Variants in RUNX2 observed in about 807,000 individuals in gnomAD.
RUNX2 encodes runt-related transcription factor 2.
Under a neutral mutation model 51.7 loss-of-function variants are expected in RUNX2, and 10 were observed. The observed-to-expected ratio is 0.19, with a 90% CI of 0.12 to 0.33. RUNX2 has a LOEUF of 0.33. Ranked by LOEUF, RUNX2 falls within the 10% of genes least tolerant of loss-of-function variation. The pLI is 1.00. For missense variants in RUNX2, 562 were observed against 691.3 expected, an observed-to-expected ratio of 0.81 and a Z score of 2.10; for synonymous variants, 276 against 273.6, an observed-to-expected ratio of 1.01 and a Z score of -0.09.
chr6:45,393,803 C>T (rs1797524910), intron 2 of RUNX2, among the ~76,000 whole-genome samples: 1 of 151,960 alleles, frequency 6.6e-6, no homozygotes, highest in Non-Finnish European at 1.5e-5. Context: ...AGTGTAGTGC[C>T]AGCATCCCTT....
chr6:45,380,070 A>C (rs1253884098), intron 2 of RUNX2, among the ~76,000 whole-genome samples: 2 of 152,230 alleles, frequency 1.3e-5, no homozygotes, highest in African/African-American at 4.8e-5. Context: ...CATTTTTGAA[A>C]ATCTGATTTA....
At chr6:45,427,521 A>G (rs1379813457) in intron 3 of RUNX2, among the ~76,000 whole-genome samples, 1 of 152,108 alleles carries the variant, frequency 6.6e-6, no homozygotes, top group Non-Finnish European at 1.5e-5. Context: ...TTGATACTGT[A>G]TTTGAAGTTA....
chr6:45,523,571 T>A (rs747531531), intron 7 of RUNX2, among the ~76,000 whole-genome samples: 1 of 151,760 alleles, frequency 6.6e-6, no homozygotes, highest in Non-Finnish European at 1.5e-5. Flanking sequence ...GCGCCCGGCC[T>A]GCATGATTAT....
intron 7 of RUNX2, among the ~76,000 whole-genome samples, chr6:45,520,132 G>A (rs1409357190): frequency 3.3e-5 from 5 of 151,768 alleles, no homozygotes; most frequent in East Asian, 1.9e-4. Context: ...GCACCCGACC[G>A]GATGCTATTA....
At chr6:45,337,541 G>T (rs886102905) in intron 2 of RUNX2, among the ~76,000 whole-genome samples, 4 of 151,658 alleles carry the variant, frequency 2.6e-5, no homozygotes, top group Admixed American at 2.0e-4. Flanking sequence ...CTTTTGCTAC[G>T]CCATAATGAT....
intron 5 of RUNX2, among the ~76,000 whole-genome samples, chr6:45,483,137 A>G (rs867020863): frequency 1.3e-5 from 2 of 152,190 alleles, no homozygotes; most frequent in African/African-American, 4.8e-5. Context: ...ATCCTGTATC[A>G]TATTGCATGG....
intron 5 of RUNX2, among the ~76,000 whole-genome samples, chr6:45,443,532 G>C (rs752758166): frequency 1.3e-5 from 2 of 152,202 alleles, no homozygotes; most frequent in Admixed American, 1.3e-4. Flanking sequence ...GTGCTTAGCT[G>C]GCAGTTGTCA....
chr6:45,334,985 A>T (rs1788264835), intron 2 of RUNX2, among the ~76,000 whole-genome samples: 2 of 151,356 alleles, frequency 1.3e-5, no homozygotes, highest in Admixed American at 1.3e-4. Flanking sequence ...GATATCAGTT[A>T]AACAAAGTAT....
chr6:45,409,080 TA>T (rs1797897871), intron 2 of RUNX2, among the ~76,000 whole-genome samples: 1 of 152,238 alleles, frequency 6.6e-6, no homozygotes, highest in African/African-American at 2.4e-5. Flanking sequence ...CTTTTATATT[TA>T]GTTTCATTCA....
intron 3 of RUNX2, among the ~76,000 whole-genome samples, 180 bp from the exon 4 acceptor site, chr6:45,431,683 A>G (rs142710517): frequency 2.1e-4 from 32 of 152,324 alleles, no homozygotes; most frequent in African/African-American, 6.5e-4. Flanking sequence ...ACCCTGAAAC[A>G]TTGGTCTGTT....
chr6:45,374,132 T>G (rs891899849), intron 2 of RUNX2, among the ~76,000 whole-genome samples: 2 of 152,166 alleles, frequency 1.3e-5, no homozygotes, highest in African/African-American at 4.8e-5. Flanking sequence ...ATAAGGAAAT[T>G]GAGGCTCTGA....
intron 3 of RUNX2, among the ~76,000 whole-genome samples, chr6:45,423,177 T>C (rs1254338577): frequency 1.3e-5 from 2 of 152,030 alleles, no homozygotes; most frequent in Admixed American, 1.3e-4. Flanking sequence ...CTGTGCCCGC[T>C]GCCACCCCGA....
chr6:45,528,890 G>A (rs1801757293), intron 7 of RUNX2, among the ~76,000 whole-genome samples: 1 of 152,208 alleles, frequency 6.6e-6, no homozygotes, highest in Non-Finnish European at 1.5e-5. Flanking sequence ...TGAGAAATTG[G>A]GGCTTATCTT....
chr6:45,544,074 G>A (rs1802315891), intron 7 of RUNX2, among the ~76,000 whole-genome samples: 1 of 151,638 alleles, frequency 6.6e-6, no homozygotes, highest in South Asian at 2.1e-4. Context: ...AAATTCTATT[G>A]TTTGTAAGTT....
At chr6:45,527,787 T>C (rs766537400) in intron 7 of RUNX2, among the ~76,000 whole-genome samples, 32 of 152,192 alleles carry the variant, frequency 2.1e-4, no homozygotes, top group Admixed American at 3.3e-4. Flanking sequence ...TCTTCTGATT[T>C]CCAATAGCTT....
intron 2 of RUNX2, among the ~76,000 whole-genome samples, chr6:45,391,531 ACACAATGTATTAGTCTGTTTC>A (rs1797470073): frequency 6.6e-6 from 1 of 152,198 alleles, no homozygotes; most frequent in Non-Finnish European, 1.5e-5. Context: ...AAATGGCCTA[ACACAATGTATTAGTCTGTTTC>A]CACACTGCTG....
rs114399488 is a variant in RUNX2, at chr6:45,518,694, T to G, written c.1021+6287T>G. The stretch of plus-strand genomic sequence containing the variant: ...TTTGTGGGGATTTATTTCTGACACA[T>G]GTACAACCACCCACACATAGGGAAA... On this transcript the variant is annotated intron_variant, in intron 7 of 8. Coordinates refer to ENST00000647337, the MANE Select transcript of RUNX2 (RefSeq NM_001024630.4). 4.8e-3 allele frequency among the ~76,000 whole-genome samples: 737 copies of G among 152,322 alleles called. 7 individuals are homozygous for G. Among genetic ancestry groups the G allele is most frequent in the African/African-American group, 0.017 (686 of 41,568 alleles).
intron 7 of RUNX2, among the ~76,000 whole-genome samples, chr6:45,516,404 T>C (rs1050693489): frequency 2.0e-5 from 3 of 152,216 alleles, no homozygotes; most frequent in Non-Finnish European, 4.4e-5. Context: ...GGTAATGAGT[T>C]TGAATCATAT....
At chr6:45,497,581 G>T (rs546133973) in intron 6 of RUNX2, among the ~76,000 whole-genome samples, 1 of 152,072 alleles carries the variant, frequency 6.6e-6, no homozygotes, top group African/African-American at 2.4e-5. Context: ...TCAAAACTCA[G>T]ATCAAATGCT....
Sources: gnomAD v4.1 joint callset for allele counts (sites outside exome capture counted in the v4.1 genomes callset) on GRCh38, gnomAD v4.1.1 for gene constraint, MANE v1.5 for transcripts, NCBI Gene and HGNC (gene_info 2026-07-23, HGNC 2026-07-21) for gene names.